CISD1: variants seen among roughly 807,000 people sequenced by gnomAD.
The protein encoded by CISD1 is CDGSH iron sulfur domain 1.
CISD1 carries 8 observed loss-of-function variants against 12.0 expected under a neutral mutation model. The ratio of observed to expected loss-of-function variants is 0.67; its 90% confidence interval spans 0.39 to 1.20. The LOEUF is 1.20. Ranked by LOEUF, CISD1 falls within the 50% of genes most tolerant of loss-of-function variation. The pLI, the probability that CISD1 is intolerant of heterozygous loss-of-function variation, is 0.01. For synonymous variants in CISD1, 38 were observed against 42.2 expected (o/e 0.90, Z 0.39); for missense variants, 107 against 132.7 (o/e 0.81, Z 0.95).
At chr10:58,278,610 A>G (rs566087193) in intron 2 of CISD1, among the ~76,000 whole-genome samples, 25 of 152,162 alleles carry the variant, frequency 1.6e-4, no homozygotes, top group Non-Finnish European at 2.5e-4. Context: ...AAAATGATGT[A>G]TCTGTTTTTG....
chr10:58,275,737 C>G (rs924979048), intron 1 of CISD1, among the ~76,000 whole-genome samples: 3 of 152,146 alleles, frequency 2.0e-5, no homozygotes, highest in African/African-American at 7.2e-5. Context: ...AAATTATGCT[C>G]TCTTACGAGA....
intron 1 of CISD1, among the ~76,000 whole-genome samples, chr10:58,272,751 C>T (rs1471219332): frequency 6.6e-6 from 1 of 152,084 alleles, no homozygotes; most frequent in East Asian, 1.9e-4. Context: ...ACCCCCGTCT[C>T]TACTAAAAAT....
chr10:58,269,342 C>G (rs369617882), intron 1 of CISD1, 38 bp downstream of exon 1: 58 of 1,587,642 alleles, frequency 3.7e-5, no homozygotes, highest in Non-Finnish European at 1.5e-5. Context: ...GCTGGTGAGG[C>G]TCAGCGGTTG....
At chr10:58,279,589 A>G (rs1316042109) in intron 2 of CISD1, among the ~76,000 whole-genome samples, 1 of 152,232 alleles carries the variant, frequency 6.6e-6, no homozygotes, top group Non-Finnish European at 1.5e-5. Flanking sequence ...TATGAAGAGC[A>G]CTATTCATTT....
At chr10:58,286,585 A>G (rs1839432558) in intron 2 of CISD1, among the ~76,000 whole-genome samples, 1 of 152,220 alleles carries the variant, frequency 6.6e-6, no homozygotes, top group Non-Finnish European at 1.5e-5. Context: ...CAAATGGGCT[A>G]TATGATATGT....
At chr10:58,281,284 C>G (rs1839371076) in intron 2 of CISD1, among the ~76,000 whole-genome samples, 1 of 152,238 alleles carries the variant, frequency 6.6e-6, no homozygotes, top group Non-Finnish European at 1.5e-5. Context: ...AGGCCAGGGA[C>G]TGCCATTTCC....
intron 1 of CISD1, among the ~76,000 whole-genome samples, chr10:58,270,669 ACTTACCG>A (rs1181050813): frequency 6.6e-6 from 1 of 152,188 alleles, no homozygotes; most frequent in Non-Finnish European, 1.5e-5. Context: ...ACCCCTTAGG[ACTTACCG>A]CTATCTGCAG....
rs1418337985 is a variant in CISD1 at position 58,284,302 on chromosome 10, C to G, written c.238-3259C>G. ...AGTAAGCTGCGATTGCACCACTGTGCAATCTAATTTAATCTCTTAAAAAAA... is the reference window on the plus strand; with the variant it reads ...AGTAAGCTGCGATTGCACCACTGTGGAATCTAATTTAATCTCTTAAAAAAA... On this transcript the variant is annotated intron_variant, in intron 2 of 2. Transcript: ENST00000333926. 2.7e-5 allele frequency among the ~76,000 whole-genome samples: 4 copies of G among 149,680 alleles called. No individual in the cohort carries two copies. In the East Asian group the frequency reaches 6.0e-4, roughly 23 times the overall value.
At position 58,276,922 on chromosome 10, in the gene CISD1, A is replaced by G. The variant is rs187750579; in HGVS notation, c.32-195A>G. 2.8e-3 allele frequency among the ~76,000 whole-genome samples: 433 copies of G among 152,256 alleles called. 3 individuals carry two copies. Among genetic ancestry groups the G allele is most frequent in the South Asian group, 0.019 (94 of 4,822 alleles). ...ATCATCACTCAGTAGAAAATACACA[A>G]TTGCTTCAATAAGGGCCAGGGAAAG... On this transcript the variant is annotated intron_variant, in intron 1 of 2. Transcript: ENST00000333926.
At chr10:58,270,595 A>G (rs1261066309) in intron 1 of CISD1, among the ~76,000 whole-genome samples, 1 of 152,222 alleles carries the variant, frequency 6.6e-6, no homozygotes, top group Non-Finnish European at 1.5e-5. Context: ...ATACGGGATC[A>G]TTTTGTGTAC....
rs1564546439 is a variant in CISD1 at position 58,277,338 on chromosome 10, C to T, written c.237+16C>T. On this transcript the variant is annotated intron_variant, in intron 2 of 2. Coordinates refer to ENST00000333926, the MANE Select transcript of CISD1 (RefSeq NM_018464.5). Reference sequence around the variant, plus strand: ...GTCCAAAAAGGTGAGGAAAGCAATTCCTTCATACAGTACCATTTTTAATGT... The same window carrying T: ...GTCCAAAAAGGTGAGGAAAGCAATTTCTTCATACAGTACCATTTTTAATGT... 2 of 1,507,510 alleles carry T rather than the reference C, an allele frequency of 1.3e-6. No homozygotes were observed. The highest frequency in any genetic ancestry group is 1.8e-6 in the Non-Finnish European group (2 of 1,109,600). The allele number at this position is 1,507,510 out of a possible 1,614,324, so 93.4% of individuals were successfully genotyped here. A position where few individuals can be genotyped will look rare whatever the true frequency, so the allele number is the denominator to read the frequency against.
At chr10:58,273,457 G>C (rs566380307) in intron 1 of CISD1, 99 of 152,172 alleles carry the variant, frequency 6.5e-4, no homozygotes, top group African/African-American at 2.1e-3. Flanking sequence ...GGCTGGAGAG[G>C]GCAGTTTAGA....
At chr10:58,279,233 A>T (rs943993169) in intron 2 of CISD1, among the ~76,000 whole-genome samples, 2 of 152,190 alleles carry the variant, frequency 1.3e-5, no homozygotes, top group African/African-American at 4.8e-5. Context: ...TGTATAAGGT[A>T]TATATAAAAC....
chr10:58,270,190 G>C (rs1839228674), intron 1 of CISD1, among the ~76,000 whole-genome samples: 1 of 152,164 alleles, frequency 6.6e-6, no homozygotes, highest in Admixed American at 6.5e-5. Context: ...TTGAACATCT[G>C]TAGTGCCAGG....
At chr10:58,283,063 C>A (rs1839390259) in intron 2 of CISD1, 1 of 149,594 alleles carries the variant, frequency 6.7e-6, no homozygotes, top group South Asian at 2.1e-4. Context: ...TGTTTAGACT[C>A]ATTTTCTTTC....
In CISD1 at chr10:58,287,193, T is replaced by C. The variant is rs192758884; in HGVS notation, c.238-368T>C. ...ACCTCAACCTCCCAAAGTGTTGAGA[T>C]TACAGGCATGAGCCATCGCGCCTGG... On this transcript the variant is annotated intron_variant, in intron 2 of 2. Coordinates refer to ENST00000333926, the MANE Select transcript of CISD1 (RefSeq NM_018464.5). Among the ~76,000 whole-genome samples, 485 of 152,320 alleles carry C rather than the reference T, an allele frequency of 3.2e-3. 7 individuals carry two copies. The highest frequency in any genetic ancestry group is 0.02 in the Middle Eastern group (6 of 294).
At chr10:58,285,234 G>T (rs1393293626) in intron 2 of CISD1, among the ~76,000 whole-genome samples, 2 of 152,172 alleles carry the variant, frequency 1.3e-5, no homozygotes, top group Non-Finnish European at 2.9e-5. Context: ...TATAAGATAT[G>T]CCAATACCTT....
At chr10:58,282,199 T>A (rs1246273259) in intron 2 of CISD1, among the ~76,000 whole-genome samples, 1 of 152,188 alleles carries the variant, frequency 6.6e-6, no homozygotes, top group Non-Finnish European at 1.5e-5. Context: ...TGACCTCAAG[T>A]GATCCACCCG....
chr10:58,272,933 T>C (rs956434078), intron 1 of CISD1, among the ~76,000 whole-genome samples: 10 of 151,512 alleles, frequency 6.6e-5, no homozygotes, highest in Non-Finnish European at 5.9e-5. Context: ...AAAAGAAAAA[T>C]AAGGGGGGAG....
Sources: allele counts gnomAD v4.1 joint callset (sites outside exome capture counted in the v4.1 genomes callset), GRCh38; gene constraint gnomAD v4.1.1; transcripts MANE v1.5; gene names NCBI Gene and HGNC (gene_info 2026-07-23, HGNC 2026-07-21).